Variants in PRKN observed in about 807,000 individuals in gnomAD.
PRKN encodes parkin RBR E3 ubiquitin protein ligase, also known as E3 ubiquitin-protein ligase parkin.
In PRKN, 56 loss-of-function variants were observed where a neutral mutation model predicts 59.5. The observed-to-expected ratio is 0.94, with a 90% confidence interval of 0.76 to 1.18. The LOEUF (loss-of-function observed/expected upper bound fraction) is 1.18, where lower values mean the gene tolerates loss of function less well. PRKN is among the 50% of genes most tolerant of loss of function. PRKN has a pLI of 0.00. For missense variants in PRKN, 657 were observed against 596.4 expected, an observed-to-expected ratio of 1.10 and a Z score of -1.06; for synonymous variants, 250 against 222.1, an observed-to-expected ratio of 1.13 and a Z score of -1.12.
At chr6:162,057,388 G>C (rs1212318502) in intron 4 of PRKN, among the ~76,000 whole-genome samples, 2 of 152,190 alleles carry the variant, frequency 1.3e-5, no homozygotes, top group Non-Finnish European at 2.9e-5. Context: ...TGAGGCTGGA[G>C]AGAAAACAGA....
chr6:162,577,018 T>A (rs976305682), intron 1 of PRKN, among the ~76,000 whole-genome samples: 3 of 151,818 alleles, frequency 2.0e-5, no homozygotes, highest in African/African-American at 7.3e-5. Context: ...ACATAAAAAA[T>A]GATGACAGAT....
intron 9 of PRKN, among the ~76,000 whole-genome samples, chr6:161,490,025 C>A (rs1777489738): frequency 6.6e-6 from 1 of 152,202 alleles, no homozygotes; most frequent in South Asian, 2.1e-4. Context: ...TGGCATCAAG[C>A]CCCATAAAGA....
At chr6:161,708,355 A>G (rs1014565541) in intron 7 of PRKN, among the ~76,000 whole-genome samples, 1 of 152,060 alleles carries the variant, frequency 6.6e-6, no homozygotes, top group Non-Finnish European at 1.5e-5. Context: ...TGTGAATTTA[A>G]ACATCCAAAA....
intron 6 of PRKN, among the ~76,000 whole-genome samples, chr6:161,893,964 T>G (rs1407587811): frequency 6.6e-6 from 1 of 152,214 alleles, no homozygotes; most frequent in Non-Finnish European, 1.5e-5. Context: ...AAAATTATTT[T>G]TGAATGAACA....
At position 161,422,094 on chromosome 6, in the gene PRKN, C is replaced by T. The variant is rs552629862; in HGVS notation, c.1084-35217G>A. Among the ~76,000 whole-genome samples, 340 of 151,932 alleles carry T rather than the reference C, an allele frequency of 2.2e-3. 1 individual carries two copies. Among genetic ancestry groups the T allele is most frequent in the Non-Finnish European group, 3.7e-3 (250 of 68,002 alleles). On this transcript the variant is annotated intron_variant, in intron 9 of 11. Transcript: ENST00000366898. ...AAGAAATCATTTGAGATAACTGTGGCAGGATCCACATAAAACTTATTAGCC... is the reference window on the plus strand; with the variant it reads ...AAGAAATCATTTGAGATAACTGTGGTAGGATCCACATAAAACTTATTAGCC...
At chr6:161,681,488 T>C (rs1785362223) in intron 7 of PRKN, among the ~76,000 whole-genome samples, 1 of 152,116 alleles carries the variant, frequency 6.6e-6, no homozygotes. Context: ...TTTGGAAGTA[T>C]TGATCCAGAA....
At chr6:161,511,103 CA>C (rs1405894478) in intron 9 of PRKN, among the ~76,000 whole-genome samples, 1 of 152,118 alleles carries the variant, frequency 6.6e-6, no homozygotes, top group Non-Finnish European at 1.5e-5. Flanking sequence ...TTTGATAAGA[CA>C]TTTCTAACAG....
Position 161,498,569 on chromosome 6 carries a change from G to C in PRKN, c.1083+50285C>G, listed in dbSNP as rs1054640940. On this transcript the variant is annotated intron_variant, in intron 9 of 11. Coordinates refer to ENST00000366898, the MANE Select transcript of PRKN (RefSeq NM_004562.3). This position sits in a 1 kb window ranked among gnomAD's most constrained non-coding sequence, Gnocchi z 4.2. ...TGAAATGTGGGTGGCAATGACATGT[G>C]TAACTTGAGGCCAGAGCCTTTAATT... is the stretch of plus-strand genomic sequence containing the variant. Among the ~76,000 whole-genome samples the C allele has an allele frequency of 1.3e-5, 2 of 152,114 alleles. No individual in the cohort carries two copies. Among genetic ancestry groups the C allele is most frequent in the African/African-American group, 4.8e-5 (2 of 41,410 alleles).
chr6:161,973,331 G>A lies in PRKN; in HGVS notation c.705C>T (p.Asn235=), dbSNP rs1275474270. ...ALHLIATNSR[N]ITCITCTDVR... Reference sequence around the variant, plus strand: ...CGTCTGTGCACGTAATGCAAGTGATGTTCCGACTATTTGTTGCGATCAGGT... The same window carrying A: ...CGTCTGTGCACGTAATGCAAGTGATATTCCGACTATTTGTTGCGATCAGGT... The change falls in exon 6 of 12, where the codon AAC becomes AAT. Residue 235 remains asparagine (N), a synonymous_variant. Coordinates refer to ENST00000366898, the MANE Select transcript of PRKN (RefSeq NM_004562.3). The A allele has an allele frequency of 1.2e-6, 2 of 1,613,178 alleles. No homozygotes were observed. Among genetic ancestry groups the A allele is most frequent in the Admixed American group, 3.3e-5 (2 of 60,004 alleles).
At chr6:162,641,300 C>T (rs936224859) in intron 1 of PRKN, among the ~76,000 whole-genome samples, 1 of 143,652 alleles carries the variant, frequency 7.0e-6, no homozygotes, top group Non-Finnish European at 1.6e-5. Flanking sequence ...CTTTATGAGG[C>T]CCCCTCAAAA....
At chr6:162,359,412 C>A (rs1426154058) in intron 2 of PRKN, among the ~76,000 whole-genome samples, 2 of 151,882 alleles carry the variant, frequency 1.3e-5, no homozygotes, top group Non-Finnish European at 2.9e-5. Context: ...CTCACCTTGT[C>A]CAAAGTCTTA....
At chr6:162,077,660 A>T (rs1373302168) in intron 4 of PRKN, among the ~76,000 whole-genome samples, 1 of 151,988 alleles carries the variant, frequency 6.6e-6, no homozygotes, top group East Asian at 1.9e-4. Flanking sequence ...AAAATCCAGG[A>T]TGGTTTAGGT....
intron 7 of PRKN, among the ~76,000 whole-genome samples, chr6:161,691,317 G>A (rs1453386805): frequency 2.6e-5 from 4 of 152,172 alleles, no homozygotes; most frequent in Admixed American, 2.6e-4. Flanking sequence ...CCGAAGCAAG[G>A]CCCCTGCAGG....
intron 3 of PRKN, among the ~76,000 whole-genome samples, chr6:162,213,015 GTCT>G (rs1246230023): frequency 6.6e-6 from 1 of 152,124 alleles, no homozygotes; most frequent in South Asian, 2.1e-4. Flanking sequence ...TTGACTGTAT[GTCT>G]TTATGTGGTG....
chr6:161,583,905 A>G (rs149958612), intron 7 of PRKN, among the ~76,000 whole-genome samples: 24 of 152,344 alleles, frequency 1.6e-4, no homozygotes, highest in Non-Finnish European at 3.1e-4. Flanking sequence ...AACCATTCAG[A>G]GGCATTAAAT....
At chr6:162,553,680 G>A (rs1779423144) in intron 1 of PRKN, among the ~76,000 whole-genome samples, 1 of 151,666 alleles carries the variant, frequency 6.6e-6, no homozygotes, top group African/African-American at 2.4e-5. Flanking sequence ...GTGGGCACCT[G>A]TAATCTCAGC....
chr6:162,671,975 G>C (rs1321115665), intron 1 of PRKN, among the ~76,000 whole-genome samples: 2 of 152,008 alleles, frequency 1.3e-5, no homozygotes, highest in African/African-American at 2.4e-5. Context: ...GGTGCTGCGG[G>C]GAGGATGGGC....
chr6:161,750,887 A>G (rs1038767993), intron 7 of PRKN, among the ~76,000 whole-genome samples: 15 of 152,144 alleles, frequency 9.9e-5, no homozygotes, highest in Admixed American at 9.8e-4. Flanking sequence ...CAACAAATAT[A>G]TAATTGTATT....
At chr6:162,696,740 C>T (rs955422838) in intron 1 of PRKN, among the ~76,000 whole-genome samples, 3 of 151,398 alleles carry the variant, frequency 2.0e-5, no homozygotes, top group African/African-American at 7.3e-5. Flanking sequence ...GAGATGGGGT[C>T]TTGCCATGTT....
Sources: allele counts gnomAD v4.1 joint callset (sites outside exome capture counted in the v4.1 genomes callset), GRCh38; gene constraint gnomAD v4.1.1; non-coding constraint Gnocchi (gnomAD v3.1); transcripts MANE v1.5; gene names NCBI Gene and HGNC (gene_info 2026-07-23, HGNC 2026-07-21).